AGBL4: variants seen among roughly 807,000 people sequenced by gnomAD.
AGBL4 encodes cytosolic carboxypeptidase 6.
A neutral mutation model predicts 66.4 loss-of-function variants in AGBL4; 58 were observed. The observed-to-expected ratio is 0.87, with a 90% CI of 0.71 to 1.09. The LOEUF (loss-of-function observed/expected upper bound fraction) is 1.09. Ranked by LOEUF, AGBL4 falls within the 50% of genes least tolerant of loss-of-function variation. The probability of loss-of-function intolerance (pLI) is 0.00; values close to 1 mark genes in which losing one functional copy is unlikely to be tolerated. For missense variants in AGBL4, 579 were observed against 631.0 expected (o/e 0.92, Z 0.88); for synonymous variants, 234 against 222.9 (o/e 1.05, Z -0.44).
rs144851276 is a variant in AGBL4 at position 49,356,798 on chromosome 1, T to C, written c.283-110934A>G. On this transcript the variant is annotated intron_variant, in intron 3 of 13. Coordinates refer to ENST00000371839, the MANE Select transcript of AGBL4 (RefSeq NM_032785.4). The stretch of plus-strand genomic sequence containing the variant: ...GAAATGCCTTCCTGTGGAGAGTCAT[T>C]TCCATTTAAACAAAAGGAGCTTTGT... 3.8e-3 allele frequency among the ~76,000 whole-genome samples: 584 copies of C among 152,264 alleles called. 2 individuals carry two copies. Among genetic ancestry groups the C allele is most frequent in the Non-Finnish European group, 5.2e-3 (353 of 68,010 alleles).
At chr1:48,982,848 T>G (rs1455658795) in intron 5 of AGBL4, among the ~76,000 whole-genome samples, 2 of 152,170 alleles carry the variant, frequency 1.3e-5, no homozygotes, top group South Asian at 2.1e-4. Flanking sequence ...TTTCTCCATA[T>G]CCTCTCCAGC....
intron 5 of AGBL4, among the ~76,000 whole-genome samples, chr1:48,926,512 C>T (rs950701887): frequency 2.0e-4 from 31 of 151,270 alleles, no homozygotes; most frequent in South Asian, 2.1e-4. Flanking sequence ...TAGTCTCAAA[C>T]TCCTGACCTC....
intron 3 of AGBL4, among the ~76,000 whole-genome samples, chr1:49,667,418 C>T (rs924840708): frequency 4.0e-5 from 6 of 151,850 alleles, no homozygotes; most frequent in African/African-American, 1.2e-4. Flanking sequence ...TGATTGCACA[C>T]CTGCACTCTA....
intron 4 of AGBL4, among the ~76,000 whole-genome samples, chr1:49,210,551 G>C (rs1279304174): frequency 6.6e-6 from 1 of 151,994 alleles, no homozygotes; most frequent in Non-Finnish European, 1.5e-5. Flanking sequence ...GCCTTAACAA[G>C]CTTTTGTAAT....
chr1:49,027,221 C>T (rs1276044589), intron 5 of AGBL4, among the ~76,000 whole-genome samples: 6 of 152,048 alleles, frequency 3.9e-5, no homozygotes, highest in South Asian at 2.1e-4. Context: ...AGTGCAATGG[C>T]GTGATCTCGG....
At chr1:49,214,856 T>G (rs925525331) in intron 4 of AGBL4, among the ~76,000 whole-genome samples, 4 of 152,164 alleles carry the variant, frequency 2.6e-5, no homozygotes, top group Non-Finnish European at 4.4e-5. Flanking sequence ...GTATATTTGT[T>G]GCTGAAACAT....
chr1:49,094,518 T>C (rs1449892895), intron 4 of AGBL4, among the ~76,000 whole-genome samples: 2 of 152,180 alleles, frequency 1.3e-5, no homozygotes, highest in Non-Finnish European at 2.9e-5. Context: ...GAACTAGCCT[T>C]GCATCCCAGG....
At chr1:48,890,411 G>A (rs777534296) in intron 5 of AGBL4, among the ~76,000 whole-genome samples, 7 of 151,982 alleles carry the variant, frequency 4.6e-5, no homozygotes, top group Non-Finnish European at 1.0e-4. Flanking sequence ...TACTTTAAAG[G>A]GTACTAGTAC....
chr1:48,968,195 A>G (rs1041204395), intron 5 of AGBL4, among the ~76,000 whole-genome samples: 8 of 152,140 alleles, frequency 5.3e-5, no homozygotes, highest in Non-Finnish European at 1.2e-4. Flanking sequence ...AGGAATAACA[A>G]GAAAACCGAA....
chr1:49,782,405 T>C (rs1571555112), intron 2 of AGBL4, among the ~76,000 whole-genome samples: 1 of 152,130 alleles, frequency 6.6e-6, no homozygotes, highest in Non-Finnish European at 1.5e-5. Context: ...CAAAACAGAC[T>C]CAAGAAGGAG....
At chr1:48,572,246 A>G (rs1020106447) in intron 11 of AGBL4, among the ~76,000 whole-genome samples, 21 of 152,198 alleles carry the variant, frequency 1.4e-4, no homozygotes, top group Non-Finnish European at 2.9e-4. Context: ...AACATCAGTT[A>G]AGGTGTCAGA....
intron 3 of AGBL4, among the ~76,000 whole-genome samples, chr1:49,380,142 C>A (rs1371740287): frequency 9.9e-5 from 15 of 152,132 alleles, no homozygotes; most frequent in Admixed American, 9.8e-4. Context: ...TGATAAGCAA[C>A]TTCAGCAAAG....
intron 9 of AGBL4, among the ~76,000 whole-genome samples, chr1:48,624,867 G>A (rs1645473486): frequency 6.6e-6 from 1 of 151,002 alleles, no homozygotes; most frequent in Non-Finnish European, 1.5e-5. Context: ...ATTTTCACAA[G>A]TCTGTTCAGA....
intron 4 of AGBL4, among the ~76,000 whole-genome samples, chr1:49,240,551 CTTTTTTTTTTT>C (rs34162300): frequency 8.1e-6 from 1 of 123,716 alleles, no homozygotes; most frequent in African/African-American, 3.0e-5. Flanking sequence ...ACTGCATTTT[CTTTTTTTTTTT>C]TTTTTTTCCT....
At chr1:49,094,144 T>C (rs1431217465) in intron 4 of AGBL4, among the ~76,000 whole-genome samples, 1 of 152,144 alleles carries the variant, frequency 6.6e-6, no homozygotes, top group East Asian at 1.9e-4. Context: ...CATACAGTGC[T>C]GGCAGAAGTG....
At chr1:49,658,675 G>T (rs1016591289) in intron 3 of AGBL4, among the ~76,000 whole-genome samples, 29 of 152,238 alleles carry the variant, frequency 1.9e-4, no homozygotes, top group African/African-American at 6.3e-4. Flanking sequence ...ATACTATGCA[G>T]CCATGAAAAA....
intron 6 of AGBL4, among the ~76,000 whole-genome samples, chr1:48,726,344 T>C (rs1647272904): frequency 6.6e-6 from 1 of 152,120 alleles, no homozygotes; most frequent in Non-Finnish European, 1.5e-5. Context: ...TCAACAATGA[T>C]GCAAAGTTTT....
chr1:48,746,831 A>G (rs1257539414), intron 6 of AGBL4, among the ~76,000 whole-genome samples: 1 of 152,238 alleles, frequency 6.6e-6, no homozygotes, highest in Admixed American at 6.5e-5. Context: ...GCAGGCACAG[A>G]ACAGACAGAA....
At position 49,523,074 on chromosome 1, in the gene AGBL4, A is replaced by G. The variant is rs535521496; in HGVS notation, c.282+174239T>C. Among the ~76,000 whole-genome samples, 6 of 152,182 alleles carry G rather than the reference A, an allele frequency of 3.9e-5. No homozygotes were observed. The South Asian group carries it at 1.2e-3, about 32-fold the overall frequency. On this transcript the variant is annotated intron_variant, in intron 3 of 13. Coordinates refer to ENST00000371839, the MANE Select transcript of AGBL4 (RefSeq NM_032785.4). ...CCGATTACCTGAAATTCCTTCATTA[A>G]GCTAATCTTTGGAGTTCTTGGGCTG...
Sources: allele counts gnomAD v4.1 joint callset (sites outside exome capture counted in the v4.1 genomes callset), GRCh38; gene constraint gnomAD v4.1.1; transcripts MANE v1.5; gene names NCBI Gene and HGNC (gene_info 2026-07-23, HGNC 2026-07-21).